Variants in ELP2 observed in about 807,000 individuals in gnomAD.
The protein encoded by ELP2 is elongator acetyltransferase complex subunit 2, also known as elongator complex protein 2.
ELP2 carries 90 observed loss-of-function variants against 119.2 expected under a neutral mutation model. The ratio of observed to expected loss-of-function variants is 0.75; its 90% CI spans 0.64 to 0.90. The LOEUF (loss-of-function observed/expected upper bound fraction) is 0.90. Among genes scored for constraint, ELP2 ranks in the 40% least tolerant of loss-of-function variants. The pLI, the probability that ELP2 is intolerant of heterozygous loss-of-function variation, is 0.00. For synonymous variants in ELP2, 339 were observed against 331.0 expected, an observed-to-expected ratio of 1.02 and a Z score of -0.26; for missense variants, 921 against 967.8, an observed-to-expected ratio of 0.95 and a Z score of 0.64.
chr18:36,146,429 A>G (rs1376832073), intron 11 of ELP2, 48 bp downstream of exon 11: 9 of 1,591,686 alleles, frequency 5.7e-6, no homozygotes, highest in Non-Finnish European at 7.8e-6. Context: ...AATAGAGTAC[A>G]TTCTAGGTAA....
intron 14 of ELP2, 30 bp downstream of exon 14, chr18:36,158,934 C>A (rs758952807): frequency 2.0e-6 from 3 of 1,483,768 alleles, no homozygotes; most frequent in South Asian, 1.1e-5. Context: ...AATTATTAAA[C>A]CCATAGTGGT....
intron 8 of ELP2, 83 bp downstream of exon 8, chr18:36,143,049 A>G: frequency 1.1e-6 from 1 of 950,904 alleles, no homozygotes; most frequent in Non-Finnish European, 1.6e-6. Flanking sequence ...CACCTATGTG[A>G]AGGATAGTTT....
In ELP2 at chr18:36,174,467, T is replaced by G; in HGVS notation, c.2325-18T>G. The G allele has an allele frequency of 1.9e-6, 3 of 1,611,976 alleles. No individual in the cohort carries two copies. The highest frequency in any genetic ancestry group is 2.5e-6 in the Non-Finnish European group (3 of 1,178,538). On this transcript the variant is annotated intron_variant, in intron 21 of 21. Coordinates refer to ENST00000358232, the MANE Select transcript of ELP2 (RefSeq NM_018255.4). Reference sequence around the variant, plus strand: ...TTAATTGGAAAAACATTTCATGATTTCTCTATCTTTGTTTTAGCCAAAGTC... The same window carrying G: ...TTAATTGGAAAAACATTTCATGATTGCTCTATCTTTGTTTTAGCCAAAGTC...
At chr18:36,170,279 T>G in intron 20 of ELP2, 83 bp downstream of exon 20, 1 of 1,536,012 alleles carries the variant, frequency 6.5e-7, no homozygotes, top group Non-Finnish European at 9.0e-7. Flanking sequence ...ATTTGTGAAT[T>G]CTCCTAGCCT....
At chr18:36,156,825 A>G (rs2090590211) in intron 13 of ELP2, among the ~76,000 whole-genome samples, 171 bp downstream of exon 13, 1 of 152,216 alleles carries the variant, frequency 6.6e-6, no homozygotes, top group African/African-American at 2.4e-5. Context: ...TAATTTAAAT[A>G]CTAAAACTAG....
intron 6 of ELP2, 63 bp downstream of exon 6, chr18:36,141,264 T>C: frequency 2.3e-6 from 3 of 1,293,332 alleles, no homozygotes; most frequent in Non-Finnish European, 3.4e-6. Flanking sequence ...CAATACAGAC[T>C]ATATCCAGAT....
intron 19 of ELP2, 116 bp downstream of exon 19, chr18:36,167,338 T>C (rs1598830560): frequency 2.6e-6 from 2 of 754,938 alleles, no homozygotes; most frequent in Non-Finnish European, 4.1e-6. Context: ...AAATCAGCTA[T>C]GTATTCCTTT....
intron 11 of ELP2, among the ~76,000 whole-genome samples, chr18:36,148,098 GT>G (rs551791532): frequency 4.9e-5 from 7 of 143,632 alleles, no homozygotes; most frequent in African/African-American, 7.8e-5. Context: ...TCAGGTTTTT[GT>G]TTTTTTTTTT....
At chr18:36,141,985 C>CTG (rs1166254058) in intron 6 of ELP2, among the ~76,000 whole-genome samples, 31 of 152,258 alleles carry the variant, frequency 2.0e-4, no homozygotes, top group African/African-American at 7.0e-4. Context: ...TGAGCCACTG[C>CTG]CCAACCCACC....
At chr18:36,144,544 G>A (rs2090137846) in intron 8 of ELP2, among the ~76,000 whole-genome samples, 1 of 152,112 alleles carries the variant, frequency 6.6e-6, no homozygotes, top group Non-Finnish European at 1.5e-5. Flanking sequence ...ATTTAGGTGA[G>A]GACACAGAGC....
Position 36,176,796 on chromosome 18 carries a change from T to C in ELP2, c.*2155T>C, listed in dbSNP as rs1274878308. ...CATAATATCTGAAGCAATCCCCAGA[T>C]ACGGGTTAGGCATGGCCCTGCTCTG... On this transcript the variant is annotated 3_prime_UTR_variant, in exon 22 of 22. Transcript: ENST00000358232. 6.6e-6 allele frequency: 1 copy of C among 152,224 alleles called. No individual in the cohort carries two copies. Among genetic ancestry groups the C allele is most frequent in the Non-Finnish European group, 1.5e-5 (1 of 68,038 alleles). The allele number at this position is 152,224 out of a possible 1,614,324, so 9.4% of individuals were successfully genotyped here.
intron 11 of ELP2, among the ~76,000 whole-genome samples, chr18:36,149,483 G>GC (rs1555639982): frequency 9.8e-6 from 1 of 101,816 alleles, no homozygotes; most frequent in Non-Finnish European, 1.9e-5. Context: ...TTTTTGTTTT[G>GC]TTTTGTTTTT....
chr18:36,137,542 G>A (rs182349525), intron 3 of ELP2, among the ~76,000 whole-genome samples: 32 of 152,216 alleles, frequency 2.1e-4, no homozygotes, highest in Admixed American at 5.9e-4. Context: ...TTTAAAAGAA[G>A]TGGTGGAATG....
At chr18:36,173,322 C>T (rs1316338674) in intron 21 of ELP2, among the ~76,000 whole-genome samples, 1 of 152,156 alleles carries the variant, frequency 6.6e-6, no homozygotes, top group Non-Finnish European at 1.5e-5. Context: ...ACTAATGATG[C>T]AAGAAAACAA....
chr18:36,138,645 C>A, intron 4 of ELP2, 150 bp from the exon 5 acceptor site: 1 of 867,842 alleles, frequency 1.2e-6, no homozygotes, highest in Non-Finnish European at 1.9e-6. Context: ...AAAATTTGGC[C>A]ATTTAACTTC....
chr18:36,149,318 T>C (rs2090311661), intron 11 of ELP2, among the ~76,000 whole-genome samples: 1 of 152,152 alleles, frequency 6.6e-6, no homozygotes, highest in South Asian at 2.1e-4. Context: ...GTTAGGTAGG[T>C]GCAGAACTAG....
In ELP2 at chr18:36,175,538, A is replaced by T. The variant is rs889385432; in HGVS notation, c.*897A>T. 3.3e-5 allele frequency: 5 copies of T among 152,234 alleles called. No homozygotes were observed. The highest frequency in any genetic ancestry group is 7.3e-5 in the Non-Finnish European group (5 of 68,042). The allele number at this position is 152,234 out of a possible 1,614,324, so 9.4% of individuals were successfully genotyped here. On this transcript the variant is annotated 3_prime_UTR_variant, in exon 22 of 22. Transcript: ENST00000358232. Reference sequence around the variant, plus strand: ...AATATCCTGACATTTAAACTGACAGATGTAGGAGGTAAAAAATAGAGTTCT... The same window carrying T: ...AATATCCTGACATTTAAACTGACAGTTGTAGGAGGTAAAAAATAGAGTTCT...
At chr18:36,149,227 C>A (rs2090308894) in intron 11 of ELP2, among the ~76,000 whole-genome samples, 1 of 152,142 alleles carries the variant, frequency 6.6e-6, no homozygotes, top group Admixed American at 6.6e-5. Context: ...ATTAGAATTG[C>A]CATTGTGTTG....
intron 5 of ELP2, 148 bp from the exon 6 acceptor site, chr18:36,140,988 AT>A: frequency 1.4e-6 from 1 of 729,778 alleles, no homozygotes; most frequent in Non-Finnish European, 2.5e-6. Flanking sequence ...TCCTGCAGAC[AT>A]TTATTGAGCA....
Sources: allele counts gnomAD v4.1 joint callset (sites outside exome capture counted in the v4.1 genomes callset), GRCh38; gene constraint gnomAD v4.1.1; transcripts MANE v1.5; gene names NCBI Gene and HGNC (gene_info 2026-07-23, HGNC 2026-07-21).